The following SCHIP1 variants were observed in gnomAD, a reference collection of about 807,000 sequenced individuals.
The protein encoded by SCHIP1 is schwannomin-interacting protein 1.
Under a neutral mutation model 29.7 loss-of-function variants are expected in SCHIP1, and 8 were observed. The ratio of observed to expected loss-of-function variants is 0.27; its 90% confidence interval spans 0.16 to 0.49. The LOEUF is 0.49. Ranked by LOEUF, SCHIP1 falls within the 20% of genes least tolerant of loss-of-function variation. The pLI, the probability that SCHIP1 is intolerant of heterozygous loss-of-function variation, is 0.99. For synonymous variants in SCHIP1, 76 were observed against 94.9 expected, an observed-to-expected ratio of 0.80 and a Z score of 1.16; for missense variants, 193 against 294.6, an observed-to-expected ratio of 0.66 and a Z score of 2.52.
chr3:159,610,494 T>C, the SCHIP1 span, among the ~76,000 whole-genome samples: 1 of 152,190 alleles, frequency 6.6e-6, no homozygotes, highest in African/African-American at 2.4e-5. Context: ...TTTTCTCACT[T>C]TGAATGCCAA....
At chr3:159,739,839 C>G in the SCHIP1 span, among the ~76,000 whole-genome samples, 1 of 152,178 alleles carries the variant, frequency 6.6e-6, no homozygotes, top group Non-Finnish European at 1.5e-5. Context: ...TTTTACTAAA[C>G]CGGTGCCTAA....
the SCHIP1 span, among the ~76,000 whole-genome samples, chr3:159,664,856 C>T: frequency 2.6e-5 from 4 of 152,200 alleles, no homozygotes; most frequent in African/African-American, 9.6e-5. Context: ...ACCAGGAGTG[C>T]CAGCACCATC....
At chr3:159,590,537 C>G in the SCHIP1 span, among the ~76,000 whole-genome samples, 2 of 151,946 alleles carry the variant, frequency 1.3e-5, no homozygotes, top group African/African-American at 4.8e-5. Flanking sequence ...AATTGTGCCA[C>G]TGCACTCCAG....
At chr3:159,312,901 A>G in the SCHIP1 span, among the ~76,000 whole-genome samples, 1 of 152,228 alleles carries the variant, frequency 6.6e-6, no homozygotes, top group Non-Finnish European at 1.5e-5. Context: ...CAGATAATCA[A>G]TAGTCAGCTA....
At chr3:159,740,455 C>T in the SCHIP1 span, among the ~76,000 whole-genome samples, 8 of 152,138 alleles carry the variant, frequency 5.3e-5, no homozygotes, top group African/African-American at 1.9e-4. Context: ...TCCAACTAAG[C>T]TGAGGAAAGC....
At chr3:159,378,403 TATC>T in the SCHIP1 span, among the ~76,000 whole-genome samples, 1 of 152,240 alleles carries the variant, frequency 6.6e-6, no homozygotes, top group African/African-American at 2.4e-5. Context: ...AGAGGTATAA[TATC>T]AAACAGATCA....
chr3:159,387,303 C>A, the SCHIP1 span: 1 of 289,998 alleles, frequency 3.4e-6, no homozygotes, highest in East Asian at 1.1e-4. Context: ...TGAGGGATGC[C>A]CCCAGGAAAA....
the SCHIP1 span, among the ~76,000 whole-genome samples, chr3:159,791,753 C>T: frequency 4.6e-5 from 7 of 152,200 alleles, no homozygotes; most frequent in African/African-American, 1.7e-4. Context: ...CAGTTGTATT[C>T]ACTTATCTGA....
the SCHIP1 span, among the ~76,000 whole-genome samples, chr3:159,557,158 C>T: frequency 5.9e-5 from 9 of 151,766 alleles, no homozygotes. Flanking sequence ...GAGGTTTCAC[C>T]ATGTTAGCCA....
the SCHIP1 span, among the ~76,000 whole-genome samples, chr3:159,317,167 A>G: frequency 1.3e-5 from 2 of 152,138 alleles, no homozygotes; most frequent in African/African-American, 4.8e-5. Context: ...TTCCATGCAT[A>G]CTCTACTCCA....
chr3:159,397,170 A>T, the SCHIP1 span, among the ~76,000 whole-genome samples: 5 of 151,574 alleles, frequency 3.3e-5, no homozygotes, highest in Non-Finnish European at 5.9e-5. Context: ...TTTCAGCTCC[A>T]TCAGCTCCTT....
At chr3:159,639,398 A>C in the SCHIP1 span, among the ~76,000 whole-genome samples, 19 of 152,164 alleles carry the variant, frequency 1.2e-4, no homozygotes, top group Non-Finnish European at 2.9e-5. Flanking sequence ...TTTTATAATC[A>C]TATTTTATTT....
the SCHIP1 span, among the ~76,000 whole-genome samples, chr3:159,458,429 C>T: frequency 6.6e-6 from 1 of 152,220 alleles, no homozygotes; most frequent in Non-Finnish European, 1.5e-5. Flanking sequence ...GTATTCAGGA[C>T]ACAAGAGTGG....
chr3:159,505,495 T>G, the SCHIP1 span, among the ~76,000 whole-genome samples: 1 of 152,216 alleles, frequency 6.6e-6, no homozygotes. Flanking sequence ...TATTATACTT[T>G]AAGTTCTAGG....
At chr3:159,614,823 T>C in the SCHIP1 span, among the ~76,000 whole-genome samples, 1 of 152,222 alleles carries the variant, frequency 6.6e-6, no homozygotes, top group Non-Finnish European at 1.5e-5. Flanking sequence ...GTTTATTTAA[T>C]GGATATTTAA....
At chr3:159,393,929 A>C in the SCHIP1 span, among the ~76,000 whole-genome samples, 7 of 152,028 alleles carry the variant, frequency 4.6e-5, no homozygotes, top group African/African-American at 9.7e-5. Flanking sequence ...CACGATATTG[A>C]TTCTTCCTAC....
At chr3:159,864,470 T>TACACACACACACACACACAC (rs58371525) in intron 1 of SCHIP1, among the ~76,000 whole-genome samples, 16 of 139,932 alleles carry the variant, frequency 1.1e-4, no homozygotes, top group Middle Eastern at 3.6e-3. Context: ...ATGGCTGTAC[T>TACACACACACACACACACAC]ACACACACAC....
the SCHIP1 span, among the ~76,000 whole-genome samples, chr3:159,743,534 GAGTT>G: frequency 6.6e-6 from 1 of 152,160 alleles, no homozygotes; most frequent in African/African-American, 2.4e-5. Context: ...CAAAATTACA[GAGTT>G]AGAGAACAGA....
chr3:159,312,216 T>C, the SCHIP1 span, among the ~76,000 whole-genome samples: 1 of 152,158 alleles, frequency 6.6e-6, no homozygotes, highest in Admixed American at 6.6e-5. Context: ...TAGGGTAGGC[T>C]AGCTGCTATA....
Sources: gnomAD v4.1 joint callset for allele counts (sites outside exome capture counted in the v4.1 genomes callset) on GRCh38, gnomAD v4.1.1 for gene constraint, MANE v1.5 for transcripts, NCBI Gene and HGNC (gene_info 2026-07-23, HGNC 2026-07-21) for gene names.